Variants in NRXN2 observed in about 807,000 individuals in gnomAD.
NRXN2 encodes the protein neurexin-2-beta.
NRXN2 carries 29 observed loss-of-function variants against 128.8 expected under a neutral mutation model. That is an observed-to-expected ratio of 0.23 (90% CI 0.17 to 0.31). The LOEUF (loss-of-function observed/expected upper bound fraction) is 0.31, where lower values mean the gene tolerates loss of function less well. Ranked by LOEUF, NRXN2 falls within the 10% of genes least tolerant of loss-of-function variation. The pLI is 1.00. For synonymous variants in NRXN2, 1,098 were observed against 1,075.2 expected (o/e 1.02, Z -0.41); for missense variants, 1,881 against 2,452.6 (o/e 0.77, Z 4.92).
At position 64,630,116 on chromosome 11, in the gene NRXN2, C is replaced by G. The variant is rs2043658113; in HGVS notation, c.3757+286G>C. ...CTCCACTTCTCCCCCCACCCCCAAA[C>G]TGGACCCTGGCCTTGCAACCTTCCC... is the stretch of plus-strand genomic sequence containing the variant. On this transcript the variant is annotated intron_variant, in intron 19 of 22. Transcript: ENST00000265459. This position sits in a 1 kb window ranked among gnomAD's most constrained non-coding sequence, Gnocchi z 4.6. Among the ~76,000 whole-genome samples, 1 of 151,724 alleles carries G rather than the reference C, an allele frequency of 6.6e-6. No homozygotes were observed. Among genetic ancestry groups the G allele is most frequent in the African/African-American group, 2.4e-5 (1 of 41,300 alleles).
Position 64,648,824 on chromosome 11 carries a change from A to G in NRXN2, c.3193T>C (p.Cys1065Arg). 6.2e-7 allele frequency: 1 copy of G among 1,614,210 alleles called. No homozygotes were observed. The highest frequency in any genetic ancestry group is 8.5e-7 in the Non-Finnish European group (1 of 1,180,018). Residue 1065 changes from cysteine (C) to arginine (R), a missense_variant, in exon 16 of 23, where the codon TGC (cysteine) becomes CGC (arginine). Around this residue, in one of 7 missense-constraint regions of NRXN2, gnomAD observed 390 missense variants for 599.6 expected, o/e 0.65. Coordinates refer to ENST00000265459, the MANE Select transcript of NRXN2 (RefSeq NM_015080.4). This position sits in a 1 kb window ranked among gnomAD's most constrained non-coding sequence, Gnocchi z 4.1. Reference sequence around the variant, plus strand: ...CCGTTGAGGTCCACTGAGGCCAGGCAGCCCTGAAAGCCATCCCGGGAGGCC... The same window carrying G: ...CCGTTGAGGTCCACTGAGGCCAGGCGGCCCTGAAAGCCATCCCGGGAGGCC... The part of the protein sequence containing the change: ...LVASRDGFQG[C>R]LASVDLNGRL...
At chr11:64,704,744 CAG>C (rs1020389935) in intron 2 of NRXN2, among the ~76,000 whole-genome samples, 1 of 150,856 alleles carries the variant, frequency 6.6e-6, no homozygotes, top group Non-Finnish European at 1.5e-5. Context: ...TATAAGAATT[CAG>C]AAGTACAGCA....
chr11:64,670,981 C>T (rs559726664), intron 7 of NRXN2, among the ~76,000 whole-genome samples: 36 of 152,344 alleles, frequency 2.4e-4, no homozygotes, highest in Non-Finnish European at 4.7e-4. Context: ...CTCTATCCCA[C>T]TCCCTTTGCC....
At chr11:64,653,617 C>G in intron 12 of NRXN2, 79 bp downstream of exon 12, 1 of 1,387,080 alleles carries the variant, frequency 7.2e-7, no homozygotes, top group South Asian at 1.2e-5. Flanking sequence ...TCTCTTCCTC[C>G]CAGCCTCCCT....
intron 7 of NRXN2, among the ~76,000 whole-genome samples, chr11:64,671,903 C>T (rs187111783): frequency 2.2e-4 from 34 of 152,270 alleles, no homozygotes; most frequent in Admixed American, 1.6e-3. Context: ...CCGAGACACA[C>T]CTGCGTACAT....
At chr11:64,664,023 T>A (rs1555069063) in intron 9 of NRXN2, among the ~76,000 whole-genome samples, 1 of 152,078 alleles carries the variant, frequency 6.6e-6, no homozygotes, top group Non-Finnish European at 1.5e-5. Flanking sequence ...GAATGGTGAG[T>A]GCCAAGGGCT....
At chr11:64,643,734 C>T (rs999237037) in intron 17 of NRXN2, among the ~76,000 whole-genome samples, 1 of 151,818 alleles carries the variant, frequency 6.6e-6, no homozygotes, top group African/African-American at 2.4e-5. Context: ...TCGGCGCTCT[C>T]CTCTCCTCTG....
intron 22 of NRXN2, among the ~76,000 whole-genome samples, chr11:64,617,583 G>A (rs1426356511): frequency 6.6e-6 from 1 of 152,228 alleles, no homozygotes; most frequent in Non-Finnish European, 1.5e-5. Flanking sequence ...AAGGTGAGCA[G>A]AAATGATCCC....
intron 7 of NRXN2, among the ~76,000 whole-genome samples, chr11:64,671,645 A>C (rs2050651976): frequency 6.6e-6 from 1 of 152,038 alleles, no homozygotes; most frequent in Non-Finnish European, 1.5e-5. Flanking sequence ...AGGCCAGAGA[A>C]AGGCAGCCAG....
chr11:64,659,384 CCT>C (rs2048713414), intron 11 of NRXN2: 1 of 152,176 alleles, frequency 6.6e-6, no homozygotes, highest in Non-Finnish European at 1.5e-5. Context: ...TTCTTTTTGC[CCT>C]GACTAGGAGA....
At chr11:64,716,860 C>T (rs1383397313) in intron 1 of NRXN2, among the ~76,000 whole-genome samples, 1 of 152,050 alleles carries the variant, frequency 6.6e-6, no homozygotes, top group Non-Finnish European at 1.5e-5. Flanking sequence ...GAGGAGTGAG[C>T]CAGCGGACAC....
chr11:64,668,536 G>T lies in NRXN2; in HGVS notation c.1266C>A (p.Gly422=), dbSNP rs770441040. 1.9e-6 allele frequency: 3 copies of T among 1,614,082 alleles called. No individual in the cohort carries two copies. The Middle Eastern group carries it at 4.9e-4, about 266-fold the overall frequency. The change falls in exon 8 of 23, where the codon GGC becomes GGA. Residue 422 remains glycine, a synonymous_variant. Transcript: ENST00000265459. The part of the protein sequence containing the change: ...GYTQEDYTML[G]SDDFFYIGGS... The stretch of plus-strand genomic sequence containing the variant: ...CCCCAATGTAGAAGAAGTCATCAGA[G>T]CCCAGCATGGTGTAATCCTCCTGCG...
In NRXN2 at chr11:64,650,768, G is replaced by A. The variant is rs1006436147; in HGVS notation, c.2919-130C>T. On this transcript the variant is annotated intron_variant, in intron 14 of 22. Coordinates refer to ENST00000265459, the MANE Select transcript of NRXN2 (RefSeq NM_015080.4). ...GAGGGATTGAAAGGGAGACCCCAGA[G>A]GAGAGCGACCAAAACCAATGGCAAG... The A allele has an allele frequency of 1.0e-5, 9 of 873,416 alleles. No individual in the cohort carries two copies. The African/African-American group carries it at 1.2e-4, about 11-fold the overall frequency. 54.1% of individuals were successfully genotyped at this position (873,416 alleles called of 1,614,324 possible).
At chr11:64,675,505 C>T (rs2051184717) in intron 7 of NRXN2, 2 of 152,206 alleles carry the variant, frequency 1.3e-5, no homozygotes, top group South Asian at 4.1e-4. Context: ...GCAGCTGCCC[C>T]ACGGGAGCAG....
Position 64,608,041 on chromosome 11 carries a change from C to T in NRXN2, c.4294G>A (p.Asp1432Asn). Residue 1432 changes from aspartate (D) to asparagine (N), a missense_variant, in exon 23 of 23, where the codon GAC becomes AAC. This residue lies in a region of NRXN2 where 310 missense variants were observed against 318.2 expected (regional missense o/e 0.97). Coordinates refer to ENST00000265459, the MANE Select transcript of NRXN2 (RefSeq NM_015080.4). Reference protein sequence around the residue: ...ILPIITEDSLDPPPVATRSPF... With the variant: ...ILPIITEDSLNPPPVATRSPF... ...GATCGGGTGGCCACGGGAGGGGGGT[C>T]TAAGGAGTCCTCCGTGATAATGGGC... The T allele has an allele frequency of 6.3e-7, 1 of 1,577,202 alleles. No homozygotes were observed. The highest frequency in any genetic ancestry group is 8.6e-7 in the Non-Finnish European group (1 of 1,169,060).
chr11:64,721,185 G>A (rs572967930), intron 1 of NRXN2, among the ~76,000 whole-genome samples: 3 of 151,948 alleles, frequency 2.0e-5, no homozygotes, highest in Admixed American at 6.5e-5. Context: ...GCCACCGAGC[G>A]CGTGTATCAT....
chr11:64,665,346 CA>C (rs1426081650), intron 9 of NRXN2, among the ~76,000 whole-genome samples: 1 of 152,078 alleles, frequency 6.6e-6, no homozygotes, highest in Non-Finnish European at 1.5e-5. Flanking sequence ...GACAGGAATC[CA>C]AAGACTGGCC....
chr11:64,638,935 C>T (rs1433485146), intron 17 of NRXN2, among the ~76,000 whole-genome samples: 2 of 152,158 alleles, frequency 1.3e-5, no homozygotes, highest in African/African-American at 2.4e-5. Context: ...CCACACACAC[C>T]TGCATTCTAG....
At chr11:64,674,989 A>G (rs1461761804) in intron 7 of NRXN2, among the ~76,000 whole-genome samples, 1 of 152,220 alleles carries the variant, frequency 6.6e-6, no homozygotes, top group Admixed American at 6.5e-5. Flanking sequence ...TTGAGGCTAG[A>G]TGGAAAGTCT....
Sources: gnomAD v4.1 joint callset for allele counts (sites outside exome capture counted in the v4.1 genomes callset) on GRCh38, gnomAD v4.1.1 for gene constraint, gnomAD v4.1.1 regional missense constraint, Gnocchi (gnomAD v3.1) non-coding constraint, MANE v1.5 for transcripts, NCBI Gene and HGNC (gene_info 2026-07-23, HGNC 2026-07-21) for gene names.